Variants in SIM2 observed in about 807,000 individuals in gnomAD.
The protein encoded by SIM2 is single-minded homolog 2.
In SIM2, 28 loss-of-function variants were observed where a neutral mutation model predicts 64.8. The ratio of observed to expected loss-of-function variants is 0.43; its 90% CI spans 0.32 to 0.59. The LOEUF (loss-of-function observed/expected upper bound fraction) is 0.59, where lower values mean the gene tolerates loss of function less well. SIM2 is among the 20% of genes least tolerant of loss of function. SIM2 has a pLI of 0.07. For missense variants in SIM2, 847 were observed against 871.4 expected (o/e 0.97, Z 0.35); for synonymous variants, 408 against 391.1 (o/e 1.04, Z -0.51).
chr21:36,711,916 T>A (rs1243835426), intron 2 of SIM2, among the ~76,000 whole-genome samples: 2 of 152,254 alleles, frequency 1.3e-5, no homozygotes, highest in Non-Finnish European at 2.9e-5. Context: ...TTTTCAGAAG[T>A]TGATACTTTT....
In SIM2 at chr21:36,703,662, G is replaced by C. The variant is rs531600331; in HGVS notation, c.175+3741G>C. On this transcript the variant is annotated intron_variant, in intron 1 of 10. Coordinates refer to ENST00000290399, the MANE Select transcript of SIM2 (RefSeq NM_005069.6). ...AGACCACGGCTGACTTTGGACATGG[G>C]CTCGAAATTGATAACTTGATGAGTC... Among the ~76,000 whole-genome samples, 3 of 152,362 alleles carry C rather than the reference G, an allele frequency of 2.0e-5. No individual in the cohort carries two copies. In the South Asian group the frequency reaches 6.2e-4, roughly 32 times the overall value.
In SIM2 at chr21:36,699,989, A is replaced by G; in HGVS notation, c.175+68A>G. 6.8e-7 allele frequency: 1 copy of G among 1,481,444 alleles called. No individual in the cohort carries two copies. Among genetic ancestry groups the G allele is most frequent in the Non-Finnish European group, 9.0e-7 (1 of 1,109,050 alleles). 91.8% of individuals were successfully genotyped at this position (1,481,444 alleles called of 1,614,324 possible). On this transcript the variant is annotated intron_variant, in intron 1 of 10. Coordinates refer to ENST00000290399, the MANE Select transcript of SIM2 (RefSeq NM_005069.6). This position sits in a 1 kb window ranked among gnomAD's most constrained non-coding sequence, Gnocchi z 5.6. ...CGGCCCCGGCCCAGGCGGGAAGCGCAAGCCAGCCCGCCCAGAGGGGTTGCC... is the reference window on the plus strand; with the variant it reads ...CGGCCCCGGCCCAGGCGGGAAGCGCGAGCCAGCCCGCCCAGAGGGGTTGCC...
chr21:36,731,090 G>A lies in SIM2; in HGVS notation c.789G>A (p.Lys263=), dbSNP rs770808205. The change falls in exon 7 of 11, where the codon AAG becomes AAA. Residue 263 remains lysine (K), a synonymous_variant. Coordinates refer to ENST00000290399, the MANE Select transcript of SIM2 (RefSeq NM_005069.6). Reference sequence around the variant, plus strand: ...ACGAGCCGCAGGACCTGATCGAGAAGACCCTATACCATCACGTGCACGGCT... The same window carrying A: ...ACGAGCCGCAGGACCTGATCGAGAAAACCCTATACCATCACGTGCACGGCT... ...TGYEPQDLIE[K]TLYHHVHGCD... 22 of 1,613,996 alleles carry A rather than the reference G, an allele frequency of 1.4e-5. No homozygotes were observed. Among genetic ancestry groups the A allele is most frequent in the Non-Finnish European group, 1.8e-5 (21 of 1,180,022 alleles).
At chr21:36,716,910 G>T (rs2088755140) in intron 3 of SIM2, among the ~76,000 whole-genome samples, 1 of 151,530 alleles carries the variant, frequency 6.6e-6, no homozygotes, top group Admixed American at 6.6e-5. Flanking sequence ...GTTCAAAAGC[G>T]TGGATAGATA....
rs1374342004 is a variant in SIM2 at position 36,749,889 on chromosome 21, G to GA, written c.*1803dup. ...GTTCAATAACAAAGGTTACTGTTGA[G>GA]AAAAAAGACCCTATCATAGATTTAC... On this transcript the variant is annotated 3_prime_UTR_variant, in exon 11 of 11. Transcript: ENST00000290399. 2.0e-5 allele frequency: 3 copies of GA among 152,152 alleles called. No homozygotes were observed. The highest frequency in any genetic ancestry group is 1.3e-4 in the Admixed American group (2 of 15,280). The allele number at this position is 152,152 out of a possible 1,614,324, so 9.4% of individuals were successfully genotyped here. A position where few individuals can be genotyped will look rare whatever the true frequency, so the allele number is the denominator to read the frequency against.
Position 36,745,110 on chromosome 21 carries a change from G to C in SIM2, c.1550G>C (p.Arg517Thr). Residue 517 changes from arginine to threonine, a missense_variant, in exon 10 of 11, where the codon AGG (arginine) becomes ACG (threonine). This residue lies in a region of SIM2 where 447 missense variants were observed against 414.6 expected (regional missense o/e 1.08). Coordinates refer to ENST00000290399, the MANE Select transcript of SIM2 (RefSeq NM_005069.6). This position sits in a 1 kb window ranked among gnomAD's most constrained non-coding sequence, Gnocchi z 4.8. ...NPPEPPANTA[R>T]HSLVPSYEAP... The stretch of plus-strand genomic sequence containing the variant: ...CCAGAGCCACCGGCGAACACTGCTA[G>C]GCACAGCCTGGTGCCAAGCTACGAA... 6.2e-7 allele frequency: 1 copy of C among 1,612,010 alleles called. No homozygotes were observed. Among genetic ancestry groups the C allele is most frequent in the Non-Finnish European group, 8.5e-7 (1 of 1,178,842 alleles).
chr21:36,723,887 C>T (rs923576870), intron 5 of SIM2, among the ~76,000 whole-genome samples: 6 of 152,160 alleles, frequency 3.9e-5, no homozygotes, highest in Admixed American at 3.3e-4. Flanking sequence ...GTGCTGAGTG[C>T]CCCCCGCCAA....
rs1431998956 is a variant in SIM2 at position 36,723,025 on chromosome 21, C to T, written c.458-20C>T. On this transcript the variant is annotated intron_variant, in intron 4 of 10. Transcript: ENST00000290399. ...AGCACGGAGGGACAGCTGCCAACCTCATCTTGCTCCTGCTTGCAGAGTATG... is the reference window on the plus strand; with the variant it reads ...AGCACGGAGGGACAGCTGCCAACCTTATCTTGCTCCTGCTTGCAGAGTATG... The T allele has an allele frequency of 1.2e-6, 2 of 1,606,194 alleles. No homozygotes were observed. Among genetic ancestry groups the T allele is most frequent in the Non-Finnish European group, 1.7e-6 (2 of 1,172,950 alleles).
intron 9 of SIM2, 94 bp downstream of exon 9, chr21:36,743,649 C>A: frequency 1.6e-6 from 2 of 1,214,784 alleles, no homozygotes; most frequent in Non-Finnish European, 2.3e-6. Flanking sequence ...CCTCTCATTG[C>A]ACAGCAGGGA....
intron 8 of SIM2, among the ~76,000 whole-genome samples, chr21:36,743,120 G>C (rs1211998824): frequency 6.6e-6 from 1 of 152,156 alleles, no homozygotes; most frequent in Non-Finnish European, 1.5e-5. Context: ...CATGGCCCAC[G>C]ACCTCCCCGA....
intron 2 of SIM2, among the ~76,000 whole-genome samples, chr21:36,711,996 C>G (rs900816774): frequency 3.9e-5 from 6 of 152,290 alleles, no homozygotes; most frequent in South Asian, 2.1e-4. Context: ...TAGACATAGT[C>G]TGGTAAAATA....
At chr21:36,741,464 T>C (rs532541073) in intron 7 of SIM2, among the ~76,000 whole-genome samples, 1 of 152,352 alleles carries the variant, frequency 6.6e-6, no homozygotes, top group Admixed American at 6.5e-5. Flanking sequence ...GCAATGACTG[T>C]TAAATAAGAG....
At chr21:36,738,287 A>G (rs2042547303) in intron 7 of SIM2, among the ~76,000 whole-genome samples, 1 of 151,856 alleles carries the variant, frequency 6.6e-6, no homozygotes, top group South Asian at 2.1e-4. Context: ...CAGGCAGATC[A>G]TGAGGTCAGG....
At chr21:36,735,098 A>G (rs554890595) in intron 7 of SIM2, among the ~76,000 whole-genome samples, 5 of 152,312 alleles carry the variant, frequency 3.3e-5, no homozygotes, top group African/African-American at 1.2e-4. Context: ...CCCCAGAGCC[A>G]GTGTCATCAA....
chr21:36,745,271 T>C lies in SIM2; in HGVS notation c.1576+135T>C, dbSNP rs373865332. The stretch of plus-strand genomic sequence containing the variant: ...AACTTGCCCTCTTTCTGCTTCTAAG[T>C]AGGGCTTGCTGTGCTTTCTTGCTCT... On this transcript the variant is annotated intron_variant, in intron 10 of 10. Transcript: ENST00000290399. This position sits in a 1 kb window ranked among gnomAD's most constrained non-coding sequence, Gnocchi z 4.8. 34 of 1,462,394 alleles carry C rather than the reference T, an allele frequency of 2.3e-5. No homozygotes were observed. In the African/African-American group the frequency reaches 4.0e-4, roughly 17 times the overall value. The allele number at this position is 1,462,394 out of a possible 1,614,324, so 90.6% of individuals were successfully genotyped here. A position where few individuals can be genotyped will look rare whatever the true frequency, so the allele number is the denominator to read the frequency against.
rs200755165 is a variant in SIM2 at position 36,745,173 on chromosome 21, T to A, written c.1576+37T>A. 141 of 1,582,056 alleles carry A rather than the reference T, an allele frequency of 8.9e-5. No homozygotes were observed. The highest frequency in any genetic ancestry group is 1.1e-4 in the Non-Finnish European group (132 of 1,163,700). On this transcript the variant is annotated intron_variant, in intron 10 of 10. Coordinates refer to ENST00000290399, the MANE Select transcript of SIM2 (RefSeq NM_005069.6). The surrounding 1 kb of genome is among the most constrained non-coding windows in gnomAD (Gnocchi z 4.8). ...CTGCTCGTGGGGAAGGTGGGAGGAC[T>A]GCGCACGGCCGGGAGCCGAAGCAGC... is the stretch of plus-strand genomic sequence containing the variant.
Position 36,747,637 on chromosome 21 carries a change from C to A in SIM2, c.1577-28C>A. The A allele has an allele frequency of 8.3e-7, 1 of 1,211,862 alleles. No individual in the cohort carries two copies. Among genetic ancestry groups the A allele is most frequent in the African/African-American group, 1.6e-5 (1 of 63,218 alleles). The allele number at this position is 1,211,862 out of a possible 1,614,324, so 75.1% of individuals were successfully genotyped here. On this transcript the variant is annotated intron_variant, in intron 10 of 10. Coordinates refer to ENST00000290399, the MANE Select transcript of SIM2 (RefSeq NM_005069.6). This position sits in a 1 kb window ranked among gnomAD's most constrained non-coding sequence, Gnocchi z 4.5. Reference sequence around the variant, plus strand: ...GTGGCTGCGGCCGCGCCCCTTGCTGCCCTCTAACGTGTCGCCTGTCCCCGC... The same window carrying A: ...GTGGCTGCGGCCGCGCCCCTTGCTGACCTCTAACGTGTCGCCTGTCCCCGC...
chr21:36,700,127 C>T (rs532779406), intron 1 of SIM2, among the ~76,000 whole-genome samples: 177 of 152,334 alleles, frequency 1.2e-3, no homozygotes, highest in African/African-American at 4.1e-3. Flanking sequence ...CGACCAAACC[C>T]TCTCCTGGTC....
At chr21:36,705,555 TA>T (rs2088569145) in intron 1 of SIM2, among the ~76,000 whole-genome samples, 1 of 152,198 alleles carries the variant, frequency 6.6e-6, no homozygotes, top group African/African-American at 2.4e-5. Flanking sequence ...CGCGCTCGTT[TA>T]ATCCCACAAA....
Sources: allele counts gnomAD v4.1 joint callset (sites outside exome capture counted in the v4.1 genomes callset), GRCh38; gene constraint gnomAD v4.1.1; regional missense constraint gnomAD v4.1.1; non-coding constraint Gnocchi (gnomAD v3.1); transcripts MANE v1.5; gene names NCBI Gene and HGNC (gene_info 2026-07-23, HGNC 2026-07-21).